The following CEP170 variants were observed in gnomAD, a reference collection of about 807,000 sequenced individuals.
The protein encoded by CEP170 is centrosomal protein of 170 kDa.
In CEP170, 21 loss-of-function variants were observed where a neutral mutation model predicts 151.9. The ratio of observed to expected loss-of-function variants is 0.14; its 90% CI spans 0.10 to 0.20. The LOEUF is 0.20. Ranked by LOEUF, CEP170 falls within the 10% of genes least tolerant of loss-of-function variation. The pLI is 1.00. For missense variants in CEP170, 964 were observed against 1,892.9 expected, an observed-to-expected ratio of 0.51 and a Z score of 9.11; for synonymous variants, 356 against 648.8, an observed-to-expected ratio of 0.55 and a Z score of 6.86.
chr1:243,191,231 T>C lies in CEP170; in HGVS notation c.895A>G (p.Thr299Ala). 1.2e-6 allele frequency: 2 copies of C among 1,609,688 alleles called. No homozygotes were observed. Among genetic ancestry groups the C allele is most frequent in the South Asian group, 2.2e-5 (2 of 90,300 alleles). The change falls in exon 8 of 20, where the codon ACA becomes GCA. Residue 299 changes from threonine (T) to alanine (A), a missense_variant. Thr to Ala is a moderately conservative substitution (Grantham distance 58). Transcript: ENST00000366542. ...PGKVTIRDHV[T>A]KFTSDQRHKS... ...TGGCGCTGATCAGAAGTAAACTTTG[T>C]CACATGGTCTCTAATAGTTACCTTC...
chr1:243,183,017 G>A (rs2059723855), intron 10 of CEP170, among the ~76,000 whole-genome samples: 1 of 151,666 alleles, frequency 6.6e-6, no homozygotes, highest in Non-Finnish European at 1.5e-5. Flanking sequence ...TCTGAGGAAG[G>A]AATGTCCTCT....
intron 1 of CEP170, among the ~76,000 whole-genome samples, chr1:243,228,226 CAT>C (rs1461823705): frequency 1.3e-5 from 2 of 152,242 alleles, no homozygotes; most frequent in Admixed American, 1.3e-4. Context: ...TCTTGAATAT[CAT>C]ATGTTATCTA....
intron 11 of CEP170, 112 bp downstream of exon 11, chr1:243,172,585 T>A: frequency 1.2e-6 from 1 of 824,016 alleles, no homozygotes; most frequent in Non-Finnish European, 1.8e-6. Context: ...TGAGCCGAGA[T>A]CCTGCCATTG....
chr1:243,183,159 T>C (rs1258097821), intron 10 of CEP170, among the ~76,000 whole-genome samples: 1 of 152,098 alleles, frequency 6.6e-6, no homozygotes, highest in Non-Finnish European at 1.5e-5. Flanking sequence ...AGCTCAGTCT[T>C]TTCATTGTGA....
intron 1 of CEP170, among the ~76,000 whole-genome samples, chr1:243,232,861 A>G (rs1310851419): frequency 6.6e-6 from 1 of 152,196 alleles, no homozygotes. Flanking sequence ...GCTGAAATAC[A>G]GAGACACTTT....
chr1:243,248,613 T>C (rs2065641668), intron 1 of CEP170, among the ~76,000 whole-genome samples: 1 of 152,178 alleles, frequency 6.6e-6, no homozygotes, highest in Non-Finnish European at 1.5e-5. Context: ...AGCCAGAAAC[T>C]AGTAACTTTC....
At chr1:243,159,363 G>A (rs1290864905) in intron 13 of CEP170, among the ~76,000 whole-genome samples, 5 of 152,118 alleles carry the variant, frequency 3.3e-5, no homozygotes, top group Non-Finnish European at 7.4e-5. Context: ...TACTGGTGGA[G>A]AAGGGACTGG....
chr1:243,236,556 A>C (rs2064271288), intron 1 of CEP170, among the ~76,000 whole-genome samples: 1 of 152,234 alleles, frequency 6.6e-6, no homozygotes, highest in African/African-American at 2.4e-5. Flanking sequence ...TATTAAAACC[A>C]AAAACCAAAA....
In CEP170 at chr1:243,190,548, A is replaced by G. The variant is rs924820599; in HGVS notation, c.1108+470T>C. On this transcript the variant is annotated intron_variant, in intron 8 of 19. Transcript: ENST00000366542. ...TGTTTTATGAGTAACCACTGAGAAT[A>G]CTTTGAAGCGCTCCATCAATGATGT... Among the ~76,000 whole-genome samples, 11 of 152,244 alleles carry G rather than the reference A, an allele frequency of 7.2e-5. 1 individual carries two copies. The highest frequency in any genetic ancestry group is 7.2e-4 in the Admixed American group (11 of 15,284).
Position 243,169,344 on chromosome 1 carries a change from G to C in CEP170, c.1843+284C>G, listed in dbSNP as rs2058666404. The C allele has an allele frequency of 8.7e-6, 3 of 346,762 alleles. No individual in the cohort carries two copies. In the South Asian group the frequency reaches 1.3e-4, roughly 15 times the overall value. 21.5% of individuals were successfully genotyped at this position (346,762 alleles called of 1,614,324 possible). On this transcript the variant is annotated intron_variant, in intron 12 of 19. Coordinates refer to ENST00000366542, the MANE Select transcript of CEP170 (RefSeq NM_014812.3). ...AGTCCACAAAATTTCTCAAAAAAGAGTTTTATCACTTTGAATTTGTCCCCT... is the reference window on the plus strand; with the variant it reads ...AGTCCACAAAATTTCTCAAAAAAGACTTTTATCACTTTGAATTTGTCCCCT...
At chr1:243,173,288 G>A (rs1482517569) in intron 10 of CEP170, among the ~76,000 whole-genome samples, 6 of 151,528 alleles carry the variant, frequency 4.0e-5, no homozygotes, top group South Asian at 2.1e-4. Context: ...TCGAACTCCC[G>A]ACCTCAGGTG....
At chr1:243,247,741 G>A (rs918952703) in intron 1 of CEP170, among the ~76,000 whole-genome samples, 1 of 152,188 alleles carries the variant, frequency 6.6e-6, no homozygotes, top group African/African-American at 2.4e-5. Flanking sequence ...GGGATAGAGT[G>A]CATAGGAAGT....
Position 243,135,996 on chromosome 1 carries a change from T to G in CEP170, c.4319+147A>C, listed in dbSNP as rs538343587. ...TTTTGAATTACTAATAAATTTAAAG[T>G]TATAAAGTAGTACTGGATAGATATT... On this transcript the variant is annotated intron_variant, in intron 17 of 19. Coordinates refer to ENST00000366542, the MANE Select transcript of CEP170 (RefSeq NM_014812.3). The G allele has an allele frequency of 6.9e-4, 843 of 1,224,822 alleles. 2 individuals carry two copies. In the African/African-American group the frequency reaches 0.012, roughly 17 times the overall value. The allele number at this position is 1,224,822 out of a possible 1,614,324, so 75.9% of individuals were successfully genotyped here.
chr1:243,152,528 T>TA (rs2057199931), intron 14 of CEP170, among the ~76,000 whole-genome samples: 1 of 84,908 alleles, frequency 1.2e-5, no homozygotes, highest in Admixed American at 1.1e-4. Flanking sequence ...GCCATTTTTT[T>TA]TTTTTTTTTT....
chr1:243,252,361 A>G (rs1195399674), intron 1 of CEP170, among the ~76,000 whole-genome samples: 1 of 152,156 alleles, frequency 6.6e-6, no homozygotes, highest in Non-Finnish European at 1.5e-5. Context: ...TAGAAAAAAT[A>G]TTTTTCAGGA....
chr1:243,247,351 T>C (rs977788112), intron 1 of CEP170, among the ~76,000 whole-genome samples: 3 of 152,066 alleles, frequency 2.0e-5, no homozygotes, highest in Non-Finnish European at 1.5e-5. Context: ...CAAAGCCTGG[T>C]TGTTCTTTTC....
At chr1:243,234,517 AG>A (rs1483151875) in intron 1 of CEP170, among the ~76,000 whole-genome samples, 8 of 152,264 alleles carry the variant, frequency 5.3e-5, no homozygotes, top group Non-Finnish European at 7.3e-5. Flanking sequence ...CCAGCAGTAA[AG>A]CTTATCAACT....
intron 4 of CEP170, among the ~76,000 whole-genome samples, chr1:243,203,848 G>C (rs1024879126): frequency 4.6e-5 from 7 of 152,046 alleles, no homozygotes; most frequent in African/African-American, 1.7e-4. Context: ...TAGTAAGGTA[G>C]GTCCTAGGAG....
intron 4 of CEP170, among the ~76,000 whole-genome samples, chr1:243,202,533 G>T (rs149128925): frequency 6.6e-6 from 1 of 151,620 alleles, no homozygotes; most frequent in Non-Finnish European, 1.5e-5. Flanking sequence ...ACATACATTC[G>T]CATATTTATA....
Sources: gnomAD v4.1 joint callset for allele counts (sites outside exome capture counted in the v4.1 genomes callset) on GRCh38, gnomAD v4.1.1 for gene constraint, MANE v1.5 for transcripts, NCBI Gene and HGNC (gene_info 2026-07-23, HGNC 2026-07-21) for gene names.